Variants in FAM13C observed in about 807,000 individuals in gnomAD.
The protein encoded by FAM13C is family with sequence similarity 13 member C.
A neutral mutation model predicts 73.2 loss-of-function variants in FAM13C; 37 were observed. The observed-to-expected ratio is 0.51, with a 90% CI of 0.39 to 0.67. FAM13C has a LOEUF of 0.67. Ranked by LOEUF, FAM13C falls within the 30% of genes least tolerant of loss-of-function variation. The pLI, the probability that FAM13C is intolerant of heterozygous loss-of-function variation, is 0.00. For missense variants in FAM13C, 589 were observed against 715.6 expected, an observed-to-expected ratio of 0.82 and a Z score of 2.02; for synonymous variants, 246 against 260.9, an observed-to-expected ratio of 0.94 and a Z score of 0.55.
intron 3 of FAM13C, among the ~76,000 whole-genome samples, chr10:59,334,762 G>A: frequency 7.7e-6 from 1 of 130,162 alleles, no homozygotes; most frequent in African/African-American, 2.8e-5. Context: ...CCTGTTGTGG[G>A]GTGGGGGGAG....
chr10:59,283,678 C>T, intron 5 of FAM13C: 1 of 604,690 alleles, frequency 1.7e-6, no homozygotes, highest in Non-Finnish European at 3.0e-6. Flanking sequence ...ACGCATCATT[C>T]CACATGCAGG....
chr10:59,302,729 A>G (rs1847741864), intron 5 of FAM13C, 72 bp downstream of exon 5: 1 of 1,378,174 alleles, frequency 7.3e-7, no homozygotes. Context: ...AATTCCTAGT[A>G]CTGTGAAAAA....
At chr10:59,249,997 T>C (rs1841213548) in intron 13 of FAM13C, among the ~76,000 whole-genome samples, 1 of 152,154 alleles carries the variant, frequency 6.6e-6, no homozygotes, top group Admixed American at 6.5e-5. Flanking sequence ...GAGTTCAAAT[T>C]GCTAAAAAAT....
intron 5 of FAM13C, among the ~76,000 whole-genome samples, chr10:59,294,916 G>T (rs889844973): frequency 9.9e-5 from 15 of 152,172 alleles, no homozygotes; most frequent in Admixed American, 6.5e-5. Flanking sequence ...AAATTACCTT[G>T]GAGATCATGC....
intron 1 of FAM13C, among the ~76,000 whole-genome samples, chr10:59,361,633 A>G (rs1328419132): frequency 6.6e-6 from 1 of 152,150 alleles, no homozygotes; most frequent in Non-Finnish European, 1.5e-5. Context: ...TATAAATTAC[A>G]TACAGTATTA....
Position 59,254,454 on chromosome 10 carries a change from T to A in FAM13C, c.1237-11A>T. 3 of 1,427,672 alleles carry A rather than the reference T, an allele frequency of 2.1e-6. No individual in the cohort carries two copies. The African/African-American group carries it at 4.4e-5, about 21-fold the overall frequency. 88.4% of individuals were successfully genotyped at this position (1,427,672 alleles called of 1,614,324 possible). A position where few individuals can be genotyped will look rare whatever the true frequency, so the allele number is the denominator to read the frequency against. On this transcript the variant is annotated splice_polypyrimidine_tract_variant and intron_variant, in intron 10 of 13. Coordinates refer to ENST00000618804, the MANE Select transcript of FAM13C (RefSeq NM_198215.4). The stretch of plus-strand genomic sequence containing the variant: ...GTCTTGCTTAGTTACCTGAAAAACA[T>A]GAAATTAATTATTATTCCTCTCTCA...
rs1843505788 is a variant in FAM13C at position 59,269,896 on chromosome 10, C to T, written c.803+3G>A. Reference sequence around the variant, plus strand: ...GAAGACAATAACAAAACAGTTTTCTCACATCATAAACTGCTGAGTGCTGGG... The same window carrying T: ...GAAGACAATAACAAAACAGTTTTCTTACATCATAAACTGCTGAGTGCTGGG... On this transcript the variant is annotated splice_donor_region_variant and intron_variant, in intron 7 of 13. Transcript: ENST00000618804. The T allele has an allele frequency of 6.2e-7, 1 of 1,613,552 alleles. No homozygotes were observed. Among genetic ancestry groups the T allele is most frequent in the Non-Finnish European group, 8.5e-7 (1 of 1,179,718 alleles).
chr10:59,354,711 G>A (rs1349302496), intron 2 of FAM13C, among the ~76,000 whole-genome samples: 1 of 152,128 alleles, frequency 6.6e-6, no homozygotes, highest in African/African-American at 2.4e-5. Flanking sequence ...AAAAAAAGGA[G>A]AGAGAGAGAG....
chr10:59,284,971 C>T (rs1202105593), intron 5 of FAM13C, among the ~76,000 whole-genome samples: 2 of 152,158 alleles, frequency 1.3e-5, no homozygotes, highest in East Asian at 3.9e-4. Context: ...CTCCTCCCTT[C>T]CATGCAAGAT....
intron 4 of FAM13C, among the ~76,000 whole-genome samples, chr10:59,316,226 T>C (rs1158236673): frequency 6.6e-6 from 1 of 152,158 alleles, no homozygotes; most frequent in Non-Finnish European, 1.5e-5. Context: ...TGAACTGTAA[T>C]CTCAGTGTGC....
intron 2 of FAM13C, among the ~76,000 whole-genome samples, chr10:59,354,686 T>A (rs1369065277): frequency 6.6e-6 from 1 of 152,182 alleles, no homozygotes; most frequent in African/African-American, 2.4e-5. Flanking sequence ...AGCCATGTGG[T>A]TATTTGCAAA....
chr10:59,360,963 C>T (rs1856334445), intron 1 of FAM13C: 10 of 1,245,820 alleles, frequency 8.0e-6, no homozygotes, highest in Admixed American at 2.3e-5. Flanking sequence ...ACACCAGGCT[C>T]CTGAGAATCG....
At chr10:59,305,249 A>ACAAAACTC (rs913051424) in intron 4 of FAM13C, among the ~76,000 whole-genome samples, 1 of 152,218 alleles carries the variant, frequency 6.6e-6, no homozygotes, top group African/African-American at 2.4e-5. Flanking sequence ...AACAAAATAC[A>ACAAAACTC]CAAAACTCCA....
Position 59,355,883 on chromosome 10 carries a change from T to G in FAM13C, c.119+4A>C, listed in dbSNP as rs573525801. On this transcript the variant is annotated splice_donor_region_variant and intron_variant, in intron 2 of 13. Coordinates refer to ENST00000618804, the MANE Select transcript of FAM13C (RefSeq NM_198215.4). ...AATATGAACCAAGCAATGGTGGCTT[T>G]TACCTGAGACTGGAGCAATCAGTCT... The G allele has an allele frequency of 6.8e-6, 11 of 1,613,904 alleles. No individual in the cohort carries two copies. The South Asian group carries it at 1.2e-4, about 18-fold the overall frequency.
chr10:59,294,047 T>C lies in FAM13C; in HGVS notation c.507+8754A>G, dbSNP rs571015040. 2.0e-5 allele frequency among the ~76,000 whole-genome samples: 3 copies of C among 152,052 alleles called. No individual in the cohort carries two copies. In the South Asian group the frequency reaches 6.3e-4, roughly 32 times the overall value. On this transcript the variant is annotated intron_variant, in intron 5 of 13. Transcript: ENST00000618804. ...GCATGTAAGAAAGAAAACAAACAAA[T>C]CCCCTCCCCATCATTTCCTCACAAA...
chr10:59,336,131 G>A (rs1415895603), intron 3 of FAM13C, among the ~76,000 whole-genome samples: 1 of 152,064 alleles, frequency 6.6e-6, no homozygotes, highest in Non-Finnish European at 1.5e-5. Flanking sequence ...ACCAGACAAG[G>A]GACTACTAGG....
chr10:59,271,975 T>C (rs542230261), intron 6 of FAM13C, among the ~76,000 whole-genome samples: 1 of 152,136 alleles, frequency 6.6e-6, no homozygotes, highest in Admixed American at 6.6e-5. Context: ...TGTTTTATAA[T>C]GCCAAAATGG....
At chr10:59,335,991 T>TG (rs1463143140) in intron 3 of FAM13C, among the ~76,000 whole-genome samples, 18 of 152,336 alleles carry the variant, frequency 1.2e-4, no homozygotes, top group African/African-American at 4.3e-4. Flanking sequence ...AGCATGCTCA[T>TG]GACTTCTTCA....
At chr10:59,258,520 T>C (rs1018805659) in intron 10 of FAM13C, among the ~76,000 whole-genome samples, 2 of 152,126 alleles carry the variant, frequency 1.3e-5, no homozygotes, top group Admixed American at 1.3e-4. Context: ...ATATTGATAA[T>C]TTCTTGTATA....
Sources: allele counts gnomAD v4.1 joint callset (sites outside exome capture counted in the v4.1 genomes callset), GRCh38; gene constraint gnomAD v4.1.1; transcripts MANE v1.5; gene names NCBI Gene and HGNC (gene_info 2026-07-23, HGNC 2026-07-21).